XYLT1: variants seen among roughly 807,000 people sequenced by gnomAD.
The protein encoded by XYLT1 is beta-D-xylosyltransferase 1.
Under a neutral mutation model 91.3 loss-of-function variants are expected in XYLT1, and 36 were observed. The observed-to-expected ratio is 0.39, with a 90% CI of 0.30 to 0.52. The LOEUF is 0.52. Among genes scored for constraint, XYLT1 ranks in the 20% least tolerant of loss-of-function variants. XYLT1 has a pLI of 0.68. For synonymous variants in XYLT1, 588 were observed against 532.0 expected (o/e 1.11, Z -1.45); for missense variants, 1,242 against 1,284.5 (o/e 0.97, Z 0.51).
At chr16:17,318,608 TCCGAAGCACTA>T (rs1285736213) in intron 2 of XYLT1, among the ~76,000 whole-genome samples, 1 of 152,166 alleles carries the variant, frequency 6.6e-6, no homozygotes, top group African/African-American at 2.4e-5. Flanking sequence ...GTTATGCAGA[TCCGAAGCACTA>T]CTGGAATTCA....
chr16:17,210,903 A>T (rs2032744674), intron 3 of XYLT1, among the ~76,000 whole-genome samples: 1 of 152,204 alleles, frequency 6.6e-6, no homozygotes, highest in African/African-American at 2.4e-5. Flanking sequence ...TCCTTTTCCA[A>T]AAAGCAGAAT....
chr16:17,404,842 G>C (rs1329332883), intron 1 of XYLT1, among the ~76,000 whole-genome samples: 1 of 152,214 alleles, frequency 6.6e-6, no homozygotes, highest in Admixed American at 6.5e-5. Context: ...ACATAGCATA[G>C]GGATAGAAAT....
intron 2 of XYLT1, among the ~76,000 whole-genome samples, chr16:17,334,618 T>C (rs1354401900): frequency 6.6e-6 from 1 of 152,012 alleles, no homozygotes; most frequent in African/African-American, 2.4e-5. Flanking sequence ...ACAAAGTCCC[T>C]CCCCGAGGGG....
At chr16:17,254,996 CTTTT>C (rs34553607) in intron 3 of XYLT1, among the ~76,000 whole-genome samples, 2 of 113,342 alleles carry the variant, frequency 1.8e-5, no homozygotes, top group Non-Finnish European at 1.8e-5. Context: ...TTTTCTTTTT[CTTTT>C]TTTTTTTTTT....
At chr16:17,160,689 C>T (rs748447141) in intron 5 of XYLT1, among the ~76,000 whole-genome samples, 2 of 152,150 alleles carry the variant, frequency 1.3e-5, no homozygotes, top group Admixed American at 6.5e-5. Flanking sequence ...AAAGGGCTAA[C>T]CCCACGTGTC....
At chr16:17,416,457 C>T (rs1055451256) in intron 1 of XYLT1, among the ~76,000 whole-genome samples, 2 of 152,166 alleles carry the variant, frequency 1.3e-5, no homozygotes, top group Non-Finnish European at 2.9e-5. Context: ...GTTCCTCACA[C>T]GGGGCCTGAG....
intron 1 of XYLT1, among the ~76,000 whole-genome samples, chr16:17,413,639 T>C (rs2141914047): frequency 6.6e-6 from 1 of 152,206 alleles, no homozygotes; most frequent in South Asian, 2.1e-4. Flanking sequence ...GGTTTCGCCA[T>C]GTTGCTCAGG....
intron 5 of XYLT1, among the ~76,000 whole-genome samples, chr16:17,161,053 G>A (rs1158129495): frequency 6.6e-6 from 1 of 152,184 alleles, no homozygotes; most frequent in African/African-American, 2.4e-5. Context: ...CTTAGTGGGA[G>A]GATTGAAGGG....
rs1370819948 is a variant in XYLT1 at position 17,312,473 on chromosome 16, AAAT to A, written c.402+45536_402+45538del. ...ACATGTTTTTCTTTCTAACTTAAAA[AAAT>A]AATAATTATAGACTCACAGGAGGTT... On this transcript the variant is annotated intron_variant, in intron 2 of 11. Transcript: ENST00000261381. The surrounding 1 kb of genome is among the most constrained non-coding windows in gnomAD (Gnocchi z 4.4). Among the ~76,000 whole-genome samples the A allele has an allele frequency of 2.0e-5, 3 of 152,204 alleles. No individual in the cohort carries two copies. The highest frequency in any genetic ancestry group is 1.3e-4 in the Admixed American group (2 of 15,280).
rs1297295903 is a variant in XYLT1 at position 17,247,042 on chromosome 16, G to T, written c.913+11946C>A. Among the ~76,000 whole-genome samples the T allele has an allele frequency of 2.6e-5, 4 of 151,576 alleles. No homozygotes were observed. In the South Asian group the frequency reaches 6.3e-4, roughly 24 times the overall value. On this transcript the variant is annotated intron_variant, in intron 3 of 11. Transcript: ENST00000261381. ...GCATTGATATGAATTCCTAGCCCTG[G>T]ACTGCCAAGTAATTTGAGAGAGGAG...
At chr16:17,360,692 C>T (rs2035369633) in intron 1 of XYLT1, among the ~76,000 whole-genome samples, 1 of 152,192 alleles carries the variant, frequency 6.6e-6, no homozygotes, top group African/African-American at 2.4e-5. Context: ...TGTGAGGTCT[C>T]GCTTTCAGCA....
intron 8 of XYLT1, among the ~76,000 whole-genome samples, chr16:17,135,967 T>C (rs2030703328): frequency 6.6e-6 from 1 of 152,206 alleles, no homozygotes; most frequent in Non-Finnish European, 1.5e-5. Context: ...GCTGACCCCT[T>C]GTGTAGGGCT....
At chr16:17,430,675 C>T (rs1483645092) in intron 1 of XYLT1, among the ~76,000 whole-genome samples, 1 of 152,054 alleles carries the variant, frequency 6.6e-6, no homozygotes, top group Non-Finnish European at 1.5e-5. Context: ...CTTTTTTTCC[C>T]CACCCTAATT....
intron 1 of XYLT1, among the ~76,000 whole-genome samples, chr16:17,423,725 C>T (rs1052780443): frequency 6.6e-6 from 1 of 152,044 alleles, no homozygotes; most frequent in African/African-American, 2.4e-5. Context: ...AAGCGATTCT[C>T]CTGCTTCAGT....
At chr16:17,216,311 G>A (rs1425765926) in intron 3 of XYLT1, among the ~76,000 whole-genome samples, 2 of 152,166 alleles carry the variant, frequency 1.3e-5, no homozygotes, top group Non-Finnish European at 2.9e-5. Flanking sequence ...CAGAGGGAGG[G>A]TTTTGACAAC....
At chr16:17,160,932 C>T (rs1019948155) in intron 5 of XYLT1, among the ~76,000 whole-genome samples, 20 of 152,328 alleles carry the variant, frequency 1.3e-4, no homozygotes, top group Non-Finnish European at 2.6e-4. Context: ...TACCAACCCC[C>T]TCACCACTCT....
intron 1 of XYLT1, among the ~76,000 whole-genome samples, chr16:17,397,584 T>C (rs1302091362): frequency 2.6e-5 from 4 of 152,122 alleles, no homozygotes; most frequent in African/African-American, 7.2e-5. Flanking sequence ...TCTGCTCTGA[T>C]GCTATCAAAG....
At chr16:17,417,339 T>C (rs2036191532) in intron 1 of XYLT1, among the ~76,000 whole-genome samples, 1 of 152,210 alleles carries the variant, frequency 6.6e-6, no homozygotes, top group Non-Finnish European at 1.5e-5. Context: ...ACCCTTAGTT[T>C]CCATCACAAT....
At chr16:17,221,696 G>A (rs913619398) in intron 3 of XYLT1, among the ~76,000 whole-genome samples, 1 of 152,112 alleles carries the variant, frequency 6.6e-6, no homozygotes, top group Admixed American at 6.5e-5. Flanking sequence ...CTATGATCAC[G>A]CCACTGTACT....
Sources: gnomAD v4.1 joint callset for allele counts (sites outside exome capture counted in the v4.1 genomes callset) on GRCh38, gnomAD v4.1.1 for gene constraint, Gnocchi (gnomAD v3.1) non-coding constraint, MANE v1.5 for transcripts, NCBI Gene and HGNC (gene_info 2026-07-23, HGNC 2026-07-21) for gene names.